The following TNRC18 variants were observed in gnomAD, a reference collection of about 807,000 sequenced individuals.
TNRC18 encodes the protein trinucleotide repeat-containing gene 18 protein.
Under a neutral mutation model 226.7 loss-of-function variants are expected in TNRC18, and 69 were observed. The observed-to-expected ratio is 0.30, with a 90% CI of 0.25 to 0.37. The LOEUF is 0.37. Among genes scored for constraint, TNRC18 ranks in the 10% least tolerant of loss-of-function variants. TNRC18 has a pLI of 1.00. For missense variants in TNRC18, 4,754 were observed against 4,256.6 expected, an observed-to-expected ratio of 1.12 and a Z score of -3.25; for synonymous variants, 2,449 against 1,927.6, an observed-to-expected ratio of 1.27 and a Z score of -7.09.
intron 2 of TNRC18, among the ~76,000 whole-genome samples, chr7:5,401,811 G>T (rs1252839593): frequency 6.6e-6 from 1 of 152,182 alleles, no homozygotes; most frequent in South Asian, 2.1e-4. Context: ...GTAGGAACTG[G>T]GCACAGTGGC....
intron 10 of TNRC18, 47 bp from the exon 11 acceptor site, chr7:5,371,411 C>T (rs575992054): frequency 2.7e-6 from 4 of 1,467,020 alleles, no homozygotes; most frequent in Non-Finnish European, 3.6e-6. Context: ...GATCTGATAT[C>T]CCATGTCCCC....
At chr7:5,340,172 T>C (rs1357302730) in intron 18 of TNRC18, among the ~76,000 whole-genome samples, 1 of 152,230 alleles carries the variant, frequency 6.6e-6, no homozygotes, top group Non-Finnish European at 1.5e-5. Flanking sequence ...ACTGCCAGGC[T>C]GTGAATGCAA....
At position 5,390,487 on chromosome 7, in the gene TNRC18, C is replaced by A. The variant is rs1780208667; in HGVS notation, c.485G>T (p.Gly162Val). ...CCAACCCCGGACTCCAGTCTTACCT[C>A]CTCCTGGCCCCTGACCTTTCTGGGT... The part of the protein sequence containing the change: ...FDTQKGQGPG[G>V]DGFYLPTAGA... Residue 162 changes from glycine to valine, a missense_variant and splice_region_variant, in exon 4 of 30, where the codon GGA becomes GTA. Physicochemically the swap from Gly to Val is moderately radical, Grantham distance 109 (BLOSUM62 -3). Transcript: ENST00000430969. The A allele has an allele frequency of 1.2e-6, 2 of 1,613,576 alleles. No individual in the cohort carries two copies. Among genetic ancestry groups the A allele is most frequent in the South Asian group, 2.2e-5 (2 of 91,066 alleles).
At chr7:5,358,915 A>G (rs1434529885) in intron 15 of TNRC18, among the ~76,000 whole-genome samples, 2 of 152,230 alleles carry the variant, frequency 1.3e-5, no homozygotes, top group Admixed American at 1.3e-4. Flanking sequence ...TAAGTGGATG[A>G]TTTCAATGTT....
chr7:5,407,706 C>G (rs1050317957), intron 2 of TNRC18, among the ~76,000 whole-genome samples: 1 of 152,226 alleles, frequency 6.6e-6, no homozygotes, highest in African/African-American at 2.4e-5. Flanking sequence ...TCAGGCCAGC[C>G]AATGATATGC....
At chr7:5,356,769 C>T (rs951545635) in intron 16 of TNRC18, 147 bp downstream of exon 16, 21 of 1,182,290 alleles carry the variant, frequency 1.8e-5, no homozygotes, top group Non-Finnish European at 2.1e-5. Context: ...GAGGCCATGC[C>T]AAGCTCAGGC....
intron 18 of TNRC18, among the ~76,000 whole-genome samples, chr7:5,345,189 A>C (rs550746635): frequency 6.6e-5 from 10 of 152,232 alleles, no homozygotes; most frequent in African/African-American, 2.4e-4. Flanking sequence ...GGGTAACCCC[A>C]CGTCTCTCTC....
In TNRC18 at chr7:5,351,834, C is replaced by T. The variant is rs1791848631; in HGVS notation, c.5455G>A (p.Glu1819Lys). 6.3e-7 allele frequency: 1 copy of T among 1,597,136 alleles called. No individual in the cohort carries two copies. Among genetic ancestry groups the T allele is most frequent in the South Asian group, 1.1e-5 (1 of 89,096 alleles). ...AGCTAGTAACCTTGGTCAAACGATT[C>T]CTCCGAAGAGTCGCTGAAGGAGGAA... is the stretch of plus-strand genomic sequence containing the variant. ...ARSSFSDSSE[E>K]SFDQDESSEE... The change falls in exon 17 of 30, where the codon GAA (glutamate) becomes AAA (lysine). Residue 1819 changes from glutamate to lysine, a missense_variant. Glu to Lys is a moderately conservative substitution (Grantham distance 56). Transcript: ENST00000430969.
At chr7:5,395,535 G>GA (rs1166955997) in intron 2 of TNRC18, among the ~76,000 whole-genome samples, 1 of 152,238 alleles carries the variant, frequency 6.6e-6, no homozygotes, top group African/African-American at 2.4e-5. Context: ...CCCTCTAAGG[G>GA]AAGACCCTGG....
At chr7:5,422,061 A>G (rs1466139917) in intron 1 of TNRC18, among the ~76,000 whole-genome samples, 1 of 151,960 alleles carries the variant, frequency 6.6e-6, no homozygotes, top group Non-Finnish European at 1.5e-5. Context: ...GAGGGTCCAA[A>G]GCGGGTTTAT....
At chr7:5,360,236 T>TTTAA (rs1179983280) in intron 14 of TNRC18, among the ~76,000 whole-genome samples, 2 of 150,608 alleles carry the variant, frequency 1.3e-5, no homozygotes, top group African/African-American at 4.9e-5. Context: ...TATTTATTTA[T>TTTAA]TTAATTTATT....
At chr7:5,384,638 G>A (rs887535985) in intron 5 of TNRC18, among the ~76,000 whole-genome samples, 9 of 152,252 alleles carry the variant, frequency 5.9e-5, no homozygotes, top group Middle Eastern at 3.4e-3. Context: ...CCCATGTGAC[G>A]GGAGGATCCT....
rs549713197 is a variant in TNRC18, at chr7:5,330,519, G to A, written c.6147+2103C>T. On this transcript the variant is annotated intron_variant, in intron 19 of 29. Transcript: ENST00000430969. ...ACCTCAAAGTGCTGGGATTGCAGGC[G>A]TGAGCCACCGCAGCCAGTCTGGTGC... Among the ~76,000 whole-genome samples the A allele has an allele frequency of 4.6e-5, 7 of 151,858 alleles. No individual in the cohort carries two copies. In the East Asian group the frequency reaches 9.7e-4, roughly 21 times the overall value.
intron 18 of TNRC18, among the ~76,000 whole-genome samples, chr7:5,338,878 C>A (rs1022328096): frequency 1.1e-4 from 16 of 148,440 alleles, no homozygotes; most frequent in Non-Finnish European, 2.2e-4. Context: ...CGAGATCATG[C>A]CGTTGCACTC....
rs1792806218 is a variant in TNRC18, at chr7:5,359,484, G to A, written c.4747C>T (p.His1583Tyr). ...RKRHKGSEEE[H>Y]DALIGMGKAR... ...TTCCCCATTCCGATGAGGGCATCAT[G>A]TTCCTCCTCAGACCCCTTGTGTCTC... Residue 1583 changes from histidine (H) to tyrosine (Y), a missense_variant, in exon 15 of 30, where the codon CAT (histidine) becomes TAT (tyrosine). Physicochemically the swap from His to Tyr is moderately conservative, Grantham distance 83. Coordinates refer to ENST00000430969, the MANE Select transcript of TNRC18 (RefSeq NM_001080495.3). 6.2e-7 allele frequency: 1 copy of A among 1,613,994 alleles called. No individual in the cohort carries two copies. The highest frequency in any genetic ancestry group is 8.5e-7 in the Non-Finnish European group (1 of 1,179,880).
intron 2 of TNRC18, among the ~76,000 whole-genome samples, chr7:5,406,826 G>A (rs1284513311): frequency 1.3e-5 from 2 of 151,130 alleles, no homozygotes; most frequent in African/African-American, 4.9e-5. Flanking sequence ...ACTCCAGCCT[G>A]GGCGACAGAG....
chr7:5,361,791 T>C, intron 13 of TNRC18, 69 bp from the exon 14 acceptor site: 2 of 1,535,206 alleles, frequency 1.3e-6, no homozygotes, highest in Non-Finnish European at 8.8e-7. Flanking sequence ...GGGCACACGA[T>C]GCACACACGG....
At chr7:5,323,402 C>G (rs1442034631) in intron 21 of TNRC18, among the ~76,000 whole-genome samples, 2 of 149,434 alleles carry the variant, frequency 1.3e-5, no homozygotes, top group African/African-American at 2.5e-5. Context: ...GACCCCACCT[C>G]CCATCCACAC....
intron 10 of TNRC18, among the ~76,000 whole-genome samples, 182 bp from the exon 11 acceptor site, chr7:5,371,546 A>G (rs905000718): frequency 1.3e-5 from 2 of 152,152 alleles, no homozygotes; most frequent in African/African-American, 4.8e-5. Context: ...AGTGGCCCCA[A>G]AGTGAAAAAC....
Sources: allele counts gnomAD v4.1 joint callset (sites outside exome capture counted in the v4.1 genomes callset), GRCh38; gene constraint gnomAD v4.1.1; transcripts MANE v1.5; gene names NCBI Gene and HGNC (gene_info 2026-07-23, HGNC 2026-07-21).